UBQLN1: variants seen among roughly 807,000 people sequenced by gnomAD.
UBQLN1 encodes the protein ubiquilin 1.
In UBQLN1, 13 loss-of-function variants were observed where a neutral mutation model predicts 65.4. The ratio of observed to expected loss-of-function variants is 0.20; its 90% CI spans 0.13 to 0.32. The LOEUF is 0.32. Ranked by LOEUF, UBQLN1 falls within the 10% of genes least tolerant of loss-of-function variation. The pLI is 1.00. For missense variants in UBQLN1, 561 were observed against 724.0 expected, an observed-to-expected ratio of 0.77 and a Z score of 2.58; for synonymous variants, 267 against 247.8, an observed-to-expected ratio of 1.08 and a Z score of -0.73.
chr9:83,685,615 TAA>T (rs376944218), intron 2 of UBQLN1, among the ~76,000 whole-genome samples: 38 of 131,756 alleles, frequency 2.9e-4, no homozygotes, highest in Non-Finnish European at 3.4e-4. Context: ...CTCTGTCTCT[TAA>T]AAAAAAAAAA....
At chr9:83,664,737 A>G (rs1831614882) in intron 9 of UBQLN1, among the ~76,000 whole-genome samples, 1 of 151,618 alleles carries the variant, frequency 6.6e-6, no homozygotes, top group African/African-American at 2.4e-5. Flanking sequence ...TCCATCTCTA[A>G]AAACAGTAAC....
chr9:83,673,580 A>AAAAAAAAAAAAAAAAAAC (rs1554727531), intron 6 of UBQLN1, among the ~76,000 whole-genome samples: 3 of 109,594 alleles, frequency 2.7e-5, no homozygotes, highest in African/African-American at 1.2e-4. Context: ...AAAAAAAAAA[A>AAAAAAAAAAAAAAAAAAC]CTGCGCTTAC....
intron 10 of UBQLN1, among the ~76,000 whole-genome samples, chr9:83,662,830 T>C (rs1831582142): frequency 6.6e-6 from 1 of 152,166 alleles, no homozygotes; most frequent in African/African-American, 2.4e-5. Flanking sequence ...TCCCAGCACT[T>C]TGGGAGGCCA....
At chr9:83,666,240 C>A in intron 8 of UBQLN1, 110 bp downstream of exon 8, 1 of 986,038 alleles carries the variant, frequency 1.0e-6, no homozygotes, top group Non-Finnish European at 1.6e-6. Context: ...CATTATTGGT[C>A]TCTATTCTAT....
At chr9:83,672,346 C>T (rs1831747883) in intron 6 of UBQLN1, among the ~76,000 whole-genome samples, 1 of 152,146 alleles carries the variant, frequency 6.6e-6, no homozygotes, top group African/African-American at 2.4e-5. Flanking sequence ...AGCTTTTGGC[C>T]TATTTTAGCT....
rs1161051402 is a variant in UBQLN1 at position 83,668,000 on chromosome 9, T to TA, written c.1248+1184dup. ...ACAAAATTGCTACGCATGTGCTTGT[T>TA]AAAGTCAAATTTTAAAAGCAAGATG... On this transcript the variant is annotated intron_variant, in intron 7 of 10. Coordinates refer to ENST00000376395, the MANE Select transcript of UBQLN1 (RefSeq NM_013438.5). 6.1e-6 allele frequency: 6 copies of TA among 985,300 alleles called. No homozygotes were observed. In the African/African-American group the frequency reaches 1.0e-4, roughly 17 times the overall value. The allele number at this position is 985,300 out of a possible 1,614,324, so 61.0% of individuals were successfully genotyped here.
intron 1 of UBQLN1, among the ~76,000 whole-genome samples, chr9:83,697,942 G>GTCAGGCTGGT (rs1832247580): frequency 6.6e-6 from 1 of 151,908 alleles, no homozygotes; most frequent in Non-Finnish European, 1.5e-5. Context: ...CTCCATGTTG[G>GTCAGGCTGGT]TCAGGCTGGT....
In UBQLN1 at chr9:83,664,527, G is replaced by A. The variant is rs1345029748; in HGVS notation, c.1449-484C>T. Among the ~76,000 whole-genome samples, 9 of 152,084 alleles carry A rather than the reference G, an allele frequency of 5.9e-5. No homozygotes were observed. In the East Asian group the frequency reaches 1.7e-3, roughly 29 times the overall value. On this transcript the variant is annotated intron_variant, in intron 9 of 10. Coordinates refer to ENST00000376395, the MANE Select transcript of UBQLN1 (RefSeq NM_013438.5). ...AACTACTGGGGAGGCTGAGGTGGGA[G>A]GATCACCTGAGCTTAGAAGTTCAAG...
In UBQLN1 at chr9:83,707,888, G is replaced by T. The variant is rs536410720; in HGVS notation, c.-209C>A. On this transcript the variant is annotated 5_prime_UTR_variant, in exon 1 of 11. Transcript: ENST00000376395. ...TGGCGCAGGCCCGGGTCAGGCGCTC[G>T]GCAGCCGCCGTGTGTTCAGGCGCCG... The T allele has an allele frequency of 2.6e-3, 1,679 of 638,652 alleles. 6 individuals carry two copies. Among genetic ancestry groups the T allele is most frequent in the Admixed American group, 4.5e-3 (111 of 24,458 alleles). The allele number at this position is 638,652 out of a possible 1,614,324, so 39.6% of individuals were successfully genotyped here.
At chr9:83,703,702 T>G (rs1005729440) in intron 1 of UBQLN1, among the ~76,000 whole-genome samples, 1 of 149,332 alleles carries the variant, frequency 6.7e-6, no homozygotes. Flanking sequence ...TTTATGTTAC[T>G]CAGTTGATTC....
chr9:83,707,932 C>T lies in UBQLN1; in HGVS notation c.-253G>A, dbSNP rs1185792140. The T allele has an allele frequency of 7.9e-6, 4 of 509,522 alleles. No homozygotes were observed. The highest frequency in any genetic ancestry group is 1.3e-5 in the Non-Finnish European group (4 of 297,028). The allele number at this position is 509,522 out of a possible 1,614,324, so 31.6% of individuals were successfully genotyped here. ...GGCGCCGCTCGCTCACACCGACATC[C>T]GCAGCAGCCACCGCTTCCTCCTCCC... is the stretch of plus-strand genomic sequence containing the variant. On this transcript the variant is annotated 5_prime_UTR_variant, in exon 1 of 11. Transcript: ENST00000376395.
At chr9:83,677,698 G>A in intron 6 of UBQLN1, 29 bp downstream of exon 6, 1 of 1,551,108 alleles carries the variant, frequency 6.4e-7, no homozygotes, top group Non-Finnish European at 8.8e-7. Flanking sequence ...GGACAACAAA[G>A]AAAAAAGCCT....
At chr9:83,665,653 A>G (rs1831632656) in intron 8 of UBQLN1, among the ~76,000 whole-genome samples, 1 of 152,224 alleles carries the variant, frequency 6.6e-6, no homozygotes. Flanking sequence ...CCACCTGACT[A>G]ACCAAAGATA....
chr9:83,674,070 A>G (rs1014667329), intron 6 of UBQLN1, among the ~76,000 whole-genome samples: 2 of 152,158 alleles, frequency 1.3e-5, no homozygotes, highest in Non-Finnish European at 2.9e-5. Flanking sequence ...AAGTCCTGGG[A>G]TAACAAGTAT....
chr9:83,678,087 T>A lies in UBQLN1; in HGVS notation c.871-126A>T, dbSNP rs7866837. 4.9e-3 allele frequency: 3,608 copies of A among 731,786 alleles called. 14 individuals are homozygous for A. The highest frequency in any genetic ancestry group is 6.7e-3 in the Non-Finnish European group (3,112 of 466,246). 45.3% of individuals were successfully genotyped at this position (731,786 alleles called of 1,614,324 possible). On this transcript the variant is annotated intron_variant, in intron 5 of 10. Transcript: ENST00000376395. ...CCCAGGCTGGAGTGCAGTGGCGCGA[T>A]CTCGGCTCACTGCAAGCTCCGCCTC...
intron 7 of UBQLN1, chr9:83,667,959 C>T (rs1831668857): frequency 6.2e-5 from 61 of 985,046 alleles, no homozygotes; most frequent in Non-Finnish European, 7.2e-5. Flanking sequence ...AGTCACTTTA[C>T]TAAAGTAAGA....
intron 7 of UBQLN1, 109 bp downstream of exon 7, chr9:83,669,076 A>G (rs1831688775): frequency 8.2e-7 from 1 of 1,219,468 alleles, no homozygotes; most frequent in Non-Finnish European, 1.1e-6. Context: ...TTATTTTTCT[A>G]GTGTATTAAG....
chr9:83,699,513 C>A (rs1250529836), intron 1 of UBQLN1, among the ~76,000 whole-genome samples: 1 of 152,008 alleles, frequency 6.6e-6, no homozygotes, highest in Non-Finnish European at 1.5e-5. Context: ...TTTTTGTAGA[C>A]AGGCTGGTCT....
At chr9:83,696,292 T>C (rs755982850) in intron 1 of UBQLN1, among the ~76,000 whole-genome samples, 41 of 152,194 alleles carry the variant, frequency 2.7e-4, no homozygotes, top group Non-Finnish European at 4.9e-4. Context: ...CTCTTATCTT[T>C]TTTGTAGTTG....
Sources: allele counts gnomAD v4.1 joint callset (sites outside exome capture counted in the v4.1 genomes callset), GRCh38; gene constraint gnomAD v4.1.1; transcripts MANE v1.5; gene names NCBI Gene and HGNC (gene_info 2026-07-23, HGNC 2026-07-21).